The following CHRNA10 variants were observed in gnomAD, a reference collection of about 807,000 sequenced individuals.
CHRNA10 encodes cholinergic receptor nicotinic alpha 10 subunit, also known as neuronal acetylcholine receptor subunit alpha-10.
In CHRNA10, 31 loss-of-function variants were observed where a neutral mutation model predicts 36.0. That is an observed-to-expected ratio of 0.86 (90% confidence interval 0.65 to 1.16). The LOEUF is 1.16. Among genes scored for constraint, CHRNA10 ranks in the 50% most tolerant of loss-of-function variants. The pLI, the probability that CHRNA10 is intolerant of heterozygous loss-of-function variation, is 0.00. For synonymous variants in CHRNA10, 302 were observed against 287.0 expected, an observed-to-expected ratio of 1.05 and a Z score of -0.53; for missense variants, 648 against 640.9, an observed-to-expected ratio of 1.01 and a Z score of -0.12.
chr11:3,668,704 C>T (rs929444121), intron 3 of CHRNA10: 1 of 153,166 alleles, frequency 6.5e-6, no homozygotes, highest in African/African-American at 2.4e-5. Flanking sequence ...CTCTGCAGAA[C>T]CCAGAGGTAG....
rs1305402270 is a variant in CHRNA10 at position 3,667,622 on chromosome 11, C to T, written c.505G>A (p.Gly169Ser). 5 of 1,557,016 alleles carry T rather than the reference C, an allele frequency of 3.2e-6. No individual in the cohort carries two copies. The highest frequency in any genetic ancestry group is 2.4e-5 in the East Asian group (1 of 41,926). The change falls in exon 4 of 5, where the codon GGC becomes AGC. Residue 169 changes from glycine to serine, a missense_variant. Transcript: ENST00000250699. ...TGAGTCCAGGAGCCGAACGTCAGGC[C>T]GCAGTGCTGGGCGTCGAACGGGAAG... ...AAFPFDAQHC[G>S]LTFGSWTHGG...
Position 3,667,067 on chromosome 11 carries a change from A to G in CHRNA10, c.895+165T>C, listed in dbSNP as rs576225803. Among the ~76,000 whole-genome samples the G allele has an allele frequency of 5.3e-5, 8 of 152,298 alleles. No homozygotes were observed. The South Asian group carries it at 1.4e-3, about 28-fold the overall frequency. Reference sequence around the variant, plus strand: ...AGTCGTGAGGGGTGTTCTCCCTGGAAGGAGCTAATCCTTTCCCCTCAGTCT... The same window carrying G: ...AGTCGTGAGGGGTGTTCTCCCTGGAGGGAGCTAATCCTTTCCCCTCAGTCT... On this transcript the variant is annotated intron_variant, in intron 4 of 4. Coordinates refer to ENST00000250699, the MANE Select transcript of CHRNA10 (RefSeq NM_020402.4).
At chr11:3,671,210 C>T (rs747267796) in intron 1 of CHRNA10, 42 bp downstream of exon 1, 2 of 1,587,216 alleles carry the variant, frequency 1.3e-6, no homozygotes, top group South Asian at 2.2e-5. Flanking sequence ...GGAATAGTAG[C>T]ACCACCAGGA....
At chr11:3,670,751 G>T (rs1387859283) in intron 1 of CHRNA10, among the ~76,000 whole-genome samples, 1 of 152,272 alleles carries the variant, frequency 6.6e-6, no homozygotes, top group African/African-American at 2.4e-5. Flanking sequence ...TTAATCTCCA[G>T]ATCCTGTCAG....
At chr11:3,669,995 T>C in intron 1 of CHRNA10, 54 bp from the exon 2 acceptor site, 1 of 1,592,466 alleles carries the variant, frequency 6.3e-7, no homozygotes. Flanking sequence ...CCAGGGCCTC[T>C]GCTCACACCC....
At chr11:3,671,120 C>T (rs2077710637) in intron 1 of CHRNA10, 132 bp downstream of exon 1, 8 of 967,392 alleles carry the variant, frequency 8.3e-6, no homozygotes, top group Non-Finnish European at 1.1e-5. Flanking sequence ...CCACACTCCC[C>T]AAATAGAGAG....
intron 1 of CHRNA10, among the ~76,000 whole-genome samples, chr11:3,670,170 T>C (rs141810564): frequency 9.3e-4 from 142 of 152,230 alleles, no homozygotes; most frequent in Admixed American, 2.6e-3. Context: ...GCTGACAAAT[T>C]TCTCCTCCAC....
Position 3,667,781 on chromosome 11 carries a change from C to T in CHRNA10, c.363-17G>A, listed in dbSNP as rs769374649. 3.4e-6 allele frequency: 5 copies of T among 1,489,340 alleles called. No individual in the cohort carries two copies. In the South Asian group the frequency reaches 5.4e-5, roughly 16 times the overall value. The allele number at this position is 1,489,340 out of a possible 1,614,324, so 92.3% of individuals were successfully genotyped here. ...GCGTCGGCTCTGGGGGCAGGCGGGG[C>T]AGGGCTCACCTAGGCTGTCCAGCCT... On this transcript the variant is annotated splice_polypyrimidine_tract_variant and intron_variant, in intron 3 of 4. Transcript: ENST00000250699.
In CHRNA10 at chr11:3,667,375, G is replaced by A. The variant is rs763375115; in HGVS notation, c.752C>T (p.Ser251Leu). The A allele has an allele frequency of 3.7e-6, 6 of 1,601,984 alleles. No individual in the cohort carries two copies. The Admixed American group carries it at 8.4e-5, about 22-fold the overall frequency. ...GTGGAAGGCGAGCGGCGCAAGCAGCGAGATGAGCACGCAGGGCAGCAGCAG... is the reference window on the plus strand; with the variant it reads ...GTGGAAGGCGAGCGGCGCAAGCAGCAAGATGAGCACGCAGGGCAGCAGCAG... Reference protein sequence around the residue: ...CNLLLPCVLISLLAPLAFHLP... With the variant: ...CNLLLPCVLILLLAPLAFHLP... Residue 251 changes from serine to leucine, a missense_variant, in exon 4 of 5, where the codon TCG (serine) becomes TTG (leucine). Physicochemically the swap from Ser to Leu is moderately radical, Grantham distance 145. Coordinates refer to ENST00000250699, the MANE Select transcript of CHRNA10 (RefSeq NM_020402.4).
intron 4 of CHRNA10, 113 bp downstream of exon 4, chr11:3,667,119 C>T (rs896615171): frequency 1.4e-6 from 2 of 1,411,706 alleles, no homozygotes; most frequent in South Asian, 1.5e-5. Flanking sequence ...TCCCAGGACG[C>T]CCCCCTCTCA....
chr11:3,666,647 A>G, intron 4 of CHRNA10, 83 bp from the exon 5 acceptor site: 2 of 1,087,034 alleles, frequency 1.8e-6, no homozygotes, highest in Non-Finnish European at 2.6e-6. Context: ...CACAAATGGA[A>G]ATAAGCCCAC....
At position 3,666,068 on chromosome 11, in the gene CHRNA10, C is replaced by T. The variant is rs762226243; in HGVS notation, c.*39G>A. On this transcript the variant is annotated 3_prime_UTR_variant, in exon 5 of 5. Coordinates refer to ENST00000250699, the MANE Select transcript of CHRNA10 (RefSeq NM_020402.4). ...CCGTGGCTGTCCCTTTCTGGAGGAG[C>T]TGTGGCTGCAGCAGATCCCTGTGAC... The T allele has an allele frequency of 6.7e-7, 1 of 1,491,032 alleles. No individual in the cohort carries two copies. Among genetic ancestry groups the T allele is most frequent in the East Asian group, 2.3e-5 (1 of 43,150 alleles). 92.4% of individuals were successfully genotyped at this position (1,491,032 alleles called of 1,614,324 possible).
Position 3,669,630 on chromosome 11 carries a change from CTCAGTACCCAACAG to C in CHRNA10, c.207+152_207+165del, listed in dbSNP as rs557450245. On this transcript the variant is annotated intron_variant, in intron 2 of 4. Coordinates refer to ENST00000250699, the MANE Select transcript of CHRNA10 (RefSeq NM_020402.4). Reference sequence around the variant, plus strand: ...TTGGGCACGAGGTAGGCACCCAATACTCAGTACCCAACAGTCAGTACCCAACAGTTTGTAACTGC... The same window carrying C: ...TTGGGCACGAGGTAGGCACCCAATACTCAGTACCCAACAGTTTGTAACTGC... 4.7e-3 allele frequency: 4,495 copies of C among 952,900 alleles called. 124 individuals are homozygous for C. Among genetic ancestry groups the C allele is most frequent in the Non-Finnish European group, 1.4e-3 (863 of 605,712 alleles). 59.0% of individuals were successfully genotyped at this position (952,900 alleles called of 1,614,324 possible).
chr11:3,669,346 T>G lies in CHRNA10; in HGVS notation c.212A>C (p.Glu71Ala). The G allele has an allele frequency of 1.9e-6, 3 of 1,613,584 alleles. No homozygotes were observed. Among genetic ancestry groups the G allele is most frequent in the Non-Finnish European group, 2.5e-6 (3 of 1,179,708 alleles). ...ATACAGGGTCAGCACCTGGTTCCGT[T>G]CATCCTAGTGGGGGCAGGGAATGGC... ...VTLSQIIDMD[E>A]RNQVLTLYLW... Residue 71 changes from glutamate (E) to alanine (A), a missense_variant, in exon 3 of 5, where the codon GAA becomes GCA. Coordinates refer to ENST00000250699, the MANE Select transcript of CHRNA10 (RefSeq NM_020402.4).
Position 3,671,258 on chromosome 11 carries a change from G to C in CHRNA10, c.55C>G (p.Pro19Ala), listed in dbSNP as rs369044132. 9.3e-6 allele frequency: 15 copies of C among 1,614,010 alleles called. No homozygotes were observed. The African/African-American group carries it at 1.3e-4, about 14-fold the overall frequency. Residue 19 changes from proline to alanine, a missense_variant, in exon 1 of 5, where the codon CCT becomes GCT. Coordinates refer to ENST00000250699, the MANE Select transcript of CHRNA10 (RefSeq NM_020402.4). ...GGTGTACTGAGCTTCATACCTGCAGGGAGTAGAAACAGAAGCAGAAGGCCC... is the reference window on the plus strand; with the variant it reads ...GGTGTACTGAGCTTCATACCTGCAGCGAGTAGAAACAGAAGCAGAAGGCCC... ...SLGLLLLFLL[P>A]AECLGAEGRL...
chr11:3,669,393 C>A, intron 2 of CHRNA10, 43 bp from the exon 3 acceptor site: 1 of 1,596,342 alleles, frequency 6.3e-7, no homozygotes, highest in Non-Finnish European at 8.5e-7. Flanking sequence ...CATGTATATG[C>A]ATATCCTGCC....
chr11:3,667,083 C>T, intron 4 of CHRNA10, 149 bp downstream of exon 4: 1 of 1,298,634 alleles, frequency 7.7e-7, no homozygotes, highest in Non-Finnish European at 1.0e-6. Context: ...TAATCCTTTC[C>T]CCTCAGTCTT....
chr11:3,670,014 C>A (rs2077702611), intron 1 of CHRNA10, 73 bp from the exon 2 acceptor site: 1 of 1,555,996 alleles, frequency 6.4e-7, no homozygotes, highest in African/African-American at 1.4e-5. Context: ...CCTCCACTCC[C>A]AGGGCTGGGG....
At chr11:3,668,164 G>C (rs112972377) in intron 3 of CHRNA10, among the ~76,000 whole-genome samples, 2,247 of 152,288 alleles carry the variant, frequency 0.015, 49 homozygotes, top group African/African-American at 0.05. Flanking sequence ...ACTGCCTTCA[G>C]AGAGAAATAC....
Sources: gnomAD v4.1 joint callset for allele counts (sites outside exome capture counted in the v4.1 genomes callset) on GRCh38, gnomAD v4.1.1 for gene constraint, MANE v1.5 for transcripts, NCBI Gene and HGNC (gene_info 2026-07-23, HGNC 2026-07-21) for gene names.